The following EEFSEC variants were observed in gnomAD, a reference collection of about 807,000 sequenced individuals.
EEFSEC encodes the protein selenocysteine-specific elongation factor.
A neutral mutation model predicts 42.1 loss-of-function variants in EEFSEC; 43 were observed. That is an observed-to-expected ratio of 1.02 (90% CI 0.80 to 1.32). The LOEUF (loss-of-function observed/expected upper bound fraction) is 1.32, where lower values mean the gene tolerates loss of function less well. Among genes scored for constraint, EEFSEC ranks in the 40% most tolerant of loss-of-function variants. EEFSEC has a pLI of 0.00. For missense variants in EEFSEC, 745 were observed against 803.6 expected (o/e 0.93, Z 0.88); for synonymous variants, 354 against 339.1 (o/e 1.04, Z -0.48).
chr3:128,240,745 C>T (rs1446016044), intron 1 of EEFSEC, among the ~76,000 whole-genome samples: 1 of 152,236 alleles, frequency 6.6e-6, no homozygotes, highest in Non-Finnish European at 1.5e-5. Context: ...CCATCCCCTG[C>T]CCTTGGCAGA....
chr3:128,241,446 A>C (rs1004251818), intron 1 of EEFSEC, among the ~76,000 whole-genome samples: 1 of 152,116 alleles, frequency 6.6e-6, no homozygotes, highest in Non-Finnish European at 1.5e-5. Flanking sequence ...CCTGAGCTCA[A>C]GTGATTCACA....
intron 1 of EEFSEC, among the ~76,000 whole-genome samples, chr3:128,215,298 G>T (rs1334736740): frequency 6.6e-6 from 1 of 152,166 alleles, no homozygotes; most frequent in Non-Finnish European, 1.5e-5. Context: ...AGGCAACATG[G>T]CCTTCCCTGG....
intron 4 of EEFSEC, among the ~76,000 whole-genome samples, chr3:128,324,449 G>A (rs556692014): frequency 6.6e-5 from 10 of 152,168 alleles, no homozygotes; most frequent in Non-Finnish European, 8.8e-5. Flanking sequence ...TGGGGTGTCA[G>A]CACACTGTTT....
At chr3:128,210,325 A>G (rs765921689) in intron 1 of EEFSEC, among the ~76,000 whole-genome samples, 3 of 152,174 alleles carry the variant, frequency 2.0e-5, no homozygotes, top group Non-Finnish European at 4.4e-5. Flanking sequence ...GTTGGCAGAG[A>G]GGCACGCTGA....
chr3:128,215,639 CA>C (rs900523687), intron 1 of EEFSEC, among the ~76,000 whole-genome samples: 2 of 152,088 alleles, frequency 1.3e-5, no homozygotes, highest in African/African-American at 4.8e-5. Flanking sequence ...TTATAAAGGA[CA>C]AAAATCCACC....
At chr3:128,189,091 G>C (rs771948789) in intron 1 of EEFSEC, among the ~76,000 whole-genome samples, 1 of 152,148 alleles carries the variant, frequency 6.6e-6, no homozygotes, top group Non-Finnish European at 1.5e-5. Flanking sequence ...CTGCTATTAG[G>C]GGCTGCCCAG....
In EEFSEC at chr3:128,341,823, C is replaced by T. The variant is rs150724686; in HGVS notation, c.1377C>T (p.Tyr459=). The change falls in exon 5 of 7, where the codon TAC becomes TAT. Residue 459 remains tyrosine (Y), a synonymous_variant. Transcript: ENST00000254730. ...ILLHGLEDRN[Y]ADSFLPRLKV... is the part of the protein sequence containing the mutation. ...TCCACGGGCTAGAGGACAGGAACTA[C>T]GCCGACAGCTTCCTGCCCAGGCTGA... is the stretch of plus-strand genomic sequence containing the variant. 23 of 1,613,936 alleles carry T rather than the reference C, an allele frequency of 1.4e-5. No individual in the cohort carries two copies. Among genetic ancestry groups the T allele is most frequent in the African/African-American group, 8.0e-5 (6 of 74,954 alleles).
chr3:128,330,184 G>A (rs1355473240), intron 4 of EEFSEC, among the ~76,000 whole-genome samples: 1 of 152,222 alleles, frequency 6.6e-6, no homozygotes, highest in Non-Finnish European at 1.5e-5. Flanking sequence ...AAAGCTCCCT[G>A]GTGAAGCTCC....
chr3:128,194,540 T>C (rs772586109), intron 1 of EEFSEC, among the ~76,000 whole-genome samples: 1 of 152,254 alleles, frequency 6.6e-6, no homozygotes, highest in Non-Finnish European at 1.5e-5. Context: ...GCTTTGTGAT[T>C]TCATAATTCC....
intron 3 of EEFSEC, among the ~76,000 whole-genome samples, chr3:128,262,474 T>C (rs115686457): frequency 0.012 from 1,838 of 152,296 alleles, 42 homozygotes; most frequent in African/African-American, 0.041. Flanking sequence ...TCTGCAGAGC[T>C]CGTCACACCT....
chr3:128,373,137 G>A (rs949195233), intron 6 of EEFSEC, among the ~76,000 whole-genome samples: 6 of 152,180 alleles, frequency 3.9e-5, no homozygotes, highest in Non-Finnish European at 1.5e-5. Flanking sequence ...TGACTTGCAC[G>A]AGGTCGCACA....
Position 128,290,997 on chromosome 3 carries a change from A to G in EEFSEC, c.786+26216A>G, listed in dbSNP as rs546174203. Among the ~76,000 whole-genome samples, 16 of 151,856 alleles carry G rather than the reference A, an allele frequency of 1.1e-4. No homozygotes were observed. In the South Asian group the frequency reaches 3.3e-3, roughly 32 times the overall value. On this transcript the variant is annotated intron_variant, in intron 4 of 6. Coordinates refer to ENST00000254730, the MANE Select transcript of EEFSEC (RefSeq NM_021937.5). ...ACTCCCGACCTCAAGTGATCCACCC[A>G]CCTCAGCCTCCCAAAGTGCTGGGAT...
At chr3:128,238,507 A>T (rs1349396669) in intron 1 of EEFSEC, among the ~76,000 whole-genome samples, 3 of 152,090 alleles carry the variant, frequency 2.0e-5, no homozygotes, top group African/African-American at 7.2e-5. Context: ...AGTGGCTGTT[A>T]TTCGGGGTTT....
In EEFSEC at chr3:128,341,512, G is replaced by C; in HGVS notation, c.1066G>C (p.Asp356His). ...GRLMFFSPAP[D>H]NFDQEPILDS... is the part of the protein sequence containing the mutation. Reference sequence around the variant, plus strand: ...GTTGATGTTCTTCAGTCCTGCTCCAGATAACTTTGACCAGGAGCCTATACT... The same window carrying C: ...GTTGATGTTCTTCAGTCCTGCTCCACATAACTTTGACCAGGAGCCTATACT... The change falls in exon 5 of 7, where the codon GAT (aspartate) becomes CAT (histidine). Residue 356 changes from aspartate (D) to histidine (H), a missense_variant. By Grantham distance (81) the Asp-to-His change is moderately conservative. Coordinates refer to ENST00000254730, the MANE Select transcript of EEFSEC (RefSeq NM_021937.5). The C allele has an allele frequency of 6.2e-7, 1 of 1,614,160 alleles. No homozygotes were observed. The highest frequency in any genetic ancestry group is 8.5e-7 in the Non-Finnish European group (1 of 1,180,044).
intron 4 of EEFSEC, among the ~76,000 whole-genome samples, chr3:128,276,506 A>G (rs2066469940): frequency 6.6e-6 from 1 of 152,206 alleles, no homozygotes; most frequent in African/African-American, 2.4e-5. Flanking sequence ...CCTTATCCGC[A>G]AAACATGGAA....
At chr3:128,203,173 G>A (rs2065659743) in intron 1 of EEFSEC, among the ~76,000 whole-genome samples, 1 of 152,226 alleles carries the variant, frequency 6.6e-6, no homozygotes, top group Non-Finnish European at 1.5e-5. Context: ...GGCAATTTGA[G>A]ACAATTTGTG....
intron 1 of EEFSEC, among the ~76,000 whole-genome samples, chr3:128,163,658 G>A (rs574085761): frequency 1.3e-5 from 2 of 151,542 alleles, no homozygotes; most frequent in African/African-American, 2.4e-5. Context: ...GACCATTTTC[G>A]TCACCCCATA....
At chr3:128,424,910 G>A in the EEFSEC span, among the ~76,000 whole-genome samples, 1 of 151,996 alleles carries the variant, frequency 6.6e-6, no homozygotes, top group African/African-American at 2.4e-5. Flanking sequence ...AGTCTAAGGT[G>A]GAGACTGCGG....
At chr3:128,420,286 T>C in the EEFSEC span, among the ~76,000 whole-genome samples, 1 of 152,246 alleles carries the variant, frequency 6.6e-6, no homozygotes, top group Non-Finnish European at 1.5e-5. Context: ...ATCATTTCAA[T>C]GCAGAGAATT....
Sources: gnomAD v4.1 joint callset for allele counts (sites outside exome capture counted in the v4.1 genomes callset) on GRCh38, gnomAD v4.1.1 for gene constraint, MANE v1.5 for transcripts, NCBI Gene and HGNC (gene_info 2026-07-23, HGNC 2026-07-21) for gene names.